The following ADCY8 variants were observed in gnomAD, a reference collection of about 807,000 sequenced individuals.
ADCY8 encodes adenylate cyclase 8, also known as adenylate cyclase type 8.
Under a neutral mutation model 119.7 loss-of-function variants are expected in ADCY8, and 51 were observed. That is an observed-to-expected ratio of 0.43 (90% CI 0.34 to 0.54). The LOEUF is 0.54. Ranked by LOEUF, ADCY8 falls within the 20% of genes least tolerant of loss-of-function variation. The probability of loss-of-function intolerance (pLI) is 0.03; values close to 1 mark genes in which losing one functional copy is unlikely to be tolerated. For synonymous variants in ADCY8, 665 were observed against 651.0 expected, an observed-to-expected ratio of 1.02 and a Z score of -0.33; for missense variants, 1,383 against 1,598.8, an observed-to-expected ratio of 0.87 and a Z score of 2.30.
chr8:130,821,511 G>A (rs1019747324), intron 12 of ADCY8, 91 bp from the exon 13 acceptor site: 4 of 900,398 alleles, frequency 4.4e-6, no homozygotes, highest in Admixed American at 4.3e-5. Context: ...GGTATAAAAA[G>A]AAAAAAACAC....
At chr8:130,963,358 T>A (rs1239228822) in intron 2 of ADCY8, among the ~76,000 whole-genome samples, 2 of 152,200 alleles carry the variant, frequency 1.3e-5, no homozygotes, top group Non-Finnish European at 2.9e-5. Flanking sequence ...AAGGGAGTGA[T>A]GTTTAACTGG....
Position 130,903,856 on chromosome 8 carries a change from T to A in ADCY8, c.1827A>T (p.Ser609=), listed in dbSNP as rs1819689421. ...ATGTGGCCCCACTGTTTCTCCGGTC[T>A]GAGGAGCTCACTGACTCCTTGACGA... ...EDIVKESVSS[S]DRRNSGATFT... is the part of the protein sequence containing the mutation. Residue 609 remains serine, a synonymous_variant, in exon 7 of 18, where the codon TCA becomes TCT. Transcript: ENST00000286355. 2.5e-6 allele frequency: 4 copies of A among 1,614,042 alleles called. No individual in the cohort carries two copies. Among genetic ancestry groups the A allele is most frequent in the Non-Finnish European group, 3.4e-6 (4 of 1,179,994 alleles).
intron 1 of ADCY8, among the ~76,000 whole-genome samples, chr8:131,011,914 G>C (rs1411182495): frequency 6.6e-6 from 1 of 152,158 alleles, no homozygotes; most frequent in Non-Finnish European, 1.5e-5. Flanking sequence ...CCAGGACATA[G>C]TGGACACACT....
rs147533610 is a variant in ADCY8 at position 130,957,829 on chromosome 8, T to G, written c.1111-5831A>C. ...CTTCCACATGGTGTTGAGCCTGCGATTACATAGAAGTTAAGAATTGGGGTT... is the reference window on the plus strand; with the variant it reads ...CTTCCACATGGTGTTGAGCCTGCGAGTACATAGAAGTTAAGAATTGGGGTT... On this transcript the variant is annotated intron_variant, in intron 2 of 17. Transcript: ENST00000286355. Among the ~76,000 whole-genome samples, 1,172 of 152,348 alleles carry G rather than the reference T, an allele frequency of 7.7e-3. 20 individuals are homozygous for G. The highest frequency in any genetic ancestry group is 0.026 in the African/African-American group (1,085 of 41,574).
intron 2 of ADCY8, among the ~76,000 whole-genome samples, chr8:130,964,727 C>G (rs1821710604): frequency 6.6e-6 from 1 of 152,146 alleles, no homozygotes; most frequent in Admixed American, 6.6e-5. Context: ...AACAATAGAT[C>G]AACACTAAAA....
At chr8:130,929,839 A>G (rs1270082257) in intron 5 of ADCY8, among the ~76,000 whole-genome samples, 1 of 152,208 alleles carries the variant, frequency 6.6e-6, no homozygotes, top group Non-Finnish European at 1.5e-5. Flanking sequence ...AGATAAATTT[A>G]CAATGTTATA....
intron 1 of ADCY8, among the ~76,000 whole-genome samples, chr8:131,019,797 TTCTCTCTCTCTCTCTCTC>T (rs61010907): frequency 6.7e-5 from 7 of 104,906 alleles, no homozygotes; most frequent in African/African-American, 2.7e-4. Context: ...ATGGAACAAA[TTCTCTCTCTCTCTCTCTC>T]TCTCTCTCTC....
In ADCY8 at chr8:130,957,327, T is replaced by C. The variant is rs138165094; in HGVS notation, c.1111-5329A>G. On this transcript the variant is annotated intron_variant, in intron 2 of 17. Transcript: ENST00000286355. ...CTGCTGTCCTAGAGATTTGTGGAAA[T>C]TTGAACTTGAGAGAAATGATTTAGG... Among the ~76,000 whole-genome samples, 19 of 152,204 alleles carry C rather than the reference T, an allele frequency of 1.2e-4. 1 individual carries two copies. Among genetic ancestry groups the C allele is most frequent in the African/African-American group, 4.1e-4 (17 of 41,536 alleles).
At chr8:130,874,237 G>A (rs1563705974) in intron 8 of ADCY8, among the ~76,000 whole-genome samples, 1 of 151,956 alleles carries the variant, frequency 6.6e-6, no homozygotes, top group Non-Finnish European at 1.5e-5. Flanking sequence ...GAACCCAGGA[G>A]GTGGAGGTTG....
intron 15 of ADCY8, among the ~76,000 whole-genome samples, chr8:130,788,169 C>G (rs756959867): frequency 2.0e-5 from 3 of 152,114 alleles, no homozygotes; most frequent in Non-Finnish European, 4.4e-5. Flanking sequence ...GCAGTGAACA[C>G]GGGAGTGCAG....
At chr8:131,012,488 A>G (rs1175497002) in intron 1 of ADCY8, among the ~76,000 whole-genome samples, 1 of 152,212 alleles carries the variant, frequency 6.6e-6, no homozygotes, top group Non-Finnish European at 1.5e-5. Context: ...ATAGAGGAAC[A>G]GCTCTCAGAA....
At chr8:131,005,773 T>C (rs1309999559) in intron 1 of ADCY8, among the ~76,000 whole-genome samples, 1 of 152,178 alleles carries the variant, frequency 6.6e-6, no homozygotes, top group Non-Finnish European at 1.5e-5. Context: ...GGCCTGGTGA[T>C]ACCATCCCTC....
At chr8:130,822,532 A>G (rs1816542792) in intron 12 of ADCY8, among the ~76,000 whole-genome samples, 1 of 133,602 alleles carries the variant, frequency 7.5e-6, no homozygotes, top group African/African-American at 2.9e-5. Flanking sequence ...CCATGAATCC[A>G]TGAATCCATC....
chr8:131,006,613 A>G lies in ADCY8; in HGVS notation c.961-16071T>C, dbSNP rs545284561. 2.0e-5 allele frequency among the ~76,000 whole-genome samples: 3 copies of G among 152,320 alleles called. No homozygotes were observed. The East Asian group carries it at 5.8e-4, about 29-fold the overall frequency. On this transcript the variant is annotated intron_variant, in intron 1 of 17. Coordinates refer to ENST00000286355, the MANE Select transcript of ADCY8 (RefSeq NM_001115.3). ...ATTTGCATATGGAACATGAAATCTT[A>G]GGAAGCTTACATTTTCACAGTCACA...
At chr8:130,959,553 T>C (rs904271898) in intron 2 of ADCY8, among the ~76,000 whole-genome samples, 3 of 152,200 alleles carry the variant, frequency 2.0e-5, no homozygotes, top group Non-Finnish European at 4.4e-5. Flanking sequence ...GCAGGATAGT[T>C]GAGGTAGTAA....
At chr8:130,818,632 G>T (rs1221303997) in intron 13 of ADCY8, among the ~76,000 whole-genome samples, 1 of 152,198 alleles carries the variant, frequency 6.6e-6, no homozygotes, top group Non-Finnish European at 1.5e-5. Context: ...GCATTATTTA[G>T]CCCCTATTAA....
At chr8:130,896,464 C>T (rs1231787695) in intron 7 of ADCY8, among the ~76,000 whole-genome samples, 2 of 151,950 alleles carry the variant, frequency 1.3e-5, no homozygotes, top group South Asian at 2.1e-4. Context: ...GAGGCTTGCC[C>T]CTTAGTTTGA....
chr8:130,994,420 A>G (rs1185184400), intron 1 of ADCY8, among the ~76,000 whole-genome samples: 1 of 152,234 alleles, frequency 6.6e-6, no homozygotes, highest in Admixed American at 6.5e-5. Flanking sequence ...CTTCAATTTT[A>G]GCAGAATTCA....
intron 5 of ADCY8, among the ~76,000 whole-genome samples, chr8:130,914,699 G>A (rs139839264): frequency 6.1e-4 from 93 of 152,284 alleles, no homozygotes; most frequent in Non-Finnish European, 1.0e-3. Context: ...TACTCCTAGC[G>A]ACAAGTCTTG....
Sources: allele counts gnomAD v4.1 joint callset (sites outside exome capture counted in the v4.1 genomes callset), GRCh38; gene constraint gnomAD v4.1.1; transcripts MANE v1.5; gene names NCBI Gene and HGNC (gene_info 2026-07-23, HGNC 2026-07-21).